The following CNTNAP5 variants were observed in gnomAD, a reference collection of about 807,000 sequenced individuals.
CNTNAP5 encodes contactin associated protein family member 5.
A neutral mutation model predicts 150.2 loss-of-function variants in CNTNAP5; 72 were observed. The observed-to-expected ratio is 0.48, with a 90% CI of 0.40 to 0.58. The LOEUF (loss-of-function observed/expected upper bound fraction) is 0.58, where lower values mean the gene tolerates loss of function less well. Among genes scored for constraint, CNTNAP5 ranks in the 20% least tolerant of loss-of-function variants. The pLI is 0.00. For synonymous variants in CNTNAP5, 672 were observed against 619.8 expected (o/e 1.08, Z -1.25); for missense variants, 1,636 against 1,626.2 (o/e 1.01, Z -0.10).
At chr2:124,793,334 AT>A (rs979622520) in intron 18 of CNTNAP5, among the ~76,000 whole-genome samples, 4 of 152,078 alleles carry the variant, frequency 2.6e-5, no homozygotes, top group African/African-American at 4.8e-5. Context: ...GTATACATAA[AT>A]TTTTTGGAGA....
Position 124,088,853 on chromosome 2 carries a change from C to T in CNTNAP5, c.82+63121C>T, listed in dbSNP as rs140491391. ...AAGTGCATCTTGATAATCTCATGGA[C>T]GTGGAAGTGCAGGTTCACCACTCGG... On this transcript the variant is annotated intron_variant, in intron 1 of 23. Coordinates refer to ENST00000682447, the MANE Select transcript of CNTNAP5 (RefSeq NM_001367498.1). 6.3e-4 allele frequency among the ~76,000 whole-genome samples: 96 copies of T among 152,222 alleles called. 1 individual carries two copies. The East Asian group carries it at 0.016, about 25-fold the overall frequency.
At chr2:124,188,089 G>A (rs1198682866) in intron 1 of CNTNAP5, among the ~76,000 whole-genome samples, 1 of 152,170 alleles carries the variant, frequency 6.6e-6, no homozygotes, top group African/African-American at 2.4e-5. Flanking sequence ...GAGCAGAACT[G>A]CAACAGAGGA....
At chr2:124,597,615 A>T (rs1046596947) in intron 11 of CNTNAP5, among the ~76,000 whole-genome samples, 3 of 149,462 alleles carry the variant, frequency 2.0e-5, no homozygotes, top group African/African-American at 4.9e-5. Context: ...TCTGACAATT[A>T]TGTGTCTTGG....
chr2:124,217,468 C>T (rs370937114), intron 1 of CNTNAP5, among the ~76,000 whole-genome samples: 1 of 152,250 alleles, frequency 6.6e-6, no homozygotes, highest in Middle Eastern at 3.4e-3. Context: ...CATGTTCTTT[C>T]CTTGCTCCCC....
intron 3 of CNTNAP5, among the ~76,000 whole-genome samples, chr2:124,365,314 C>T (rs2163250): frequency 0.74 from 108,356 of 146,772 alleles, 40,858 homozygotes; most frequent in African/African-American, 0.89. Context: ...AGACTCTGTC[C>T]CAAAAAAAGG....
At chr2:124,404,769 A>G (rs1691527036) in intron 3 of CNTNAP5, among the ~76,000 whole-genome samples, 1 of 152,108 alleles carries the variant, frequency 6.6e-6, no homozygotes. Flanking sequence ...AGAAGATGGG[A>G]GATTGAGATT....
intron 4 of CNTNAP5, among the ~76,000 whole-genome samples, chr2:124,418,577 A>C (rs1691990851): frequency 6.6e-6 from 1 of 152,172 alleles, no homozygotes. Context: ...GTGTCTGCTA[A>C]AAATAAAGCC....
intron 11 of CNTNAP5, among the ~76,000 whole-genome samples, chr2:124,567,222 ACT>A (rs1363526751): frequency 3.3e-5 from 5 of 151,900 alleles, no homozygotes; most frequent in South Asian, 2.1e-4. Context: ...GGCACAATGG[ACT>A]CTCTAAAAAA....
intron 12 of CNTNAP5, among the ~76,000 whole-genome samples, chr2:124,625,214 C>T (rs1414895574): frequency 2.0e-5 from 3 of 152,170 alleles, no homozygotes; most frequent in Non-Finnish European, 4.4e-5. Flanking sequence ...GTGAGGGCTC[C>T]ATTATACCCA....
intron 12 of CNTNAP5, among the ~76,000 whole-genome samples, chr2:124,635,188 G>T (rs10196022): frequency 2.0e-5 from 3 of 152,044 alleles, no homozygotes; most frequent in African/African-American, 7.2e-5. Flanking sequence ...ACTTTCAATC[G>T]TAATGGAAAG....
chr2:124,882,610 T>C (rs1359534972), intron 21 of CNTNAP5, among the ~76,000 whole-genome samples: 3 of 152,128 alleles, frequency 2.0e-5, no homozygotes, highest in Non-Finnish European at 2.9e-5. Context: ...AGAGATGCTG[T>C]CTTCATCAGA....
chr2:124,655,945 G>GAAAA (rs1553427799), intron 13 of CNTNAP5, among the ~76,000 whole-genome samples: 9 of 55,490 alleles, frequency 1.6e-4, no homozygotes, highest in Non-Finnish European at 2.7e-4. Flanking sequence ...GAGAGAGAGA[G>GAAAA]AGAAAGAAAG....
At chr2:124,711,724 C>A (rs1045396067) in intron 13 of CNTNAP5, among the ~76,000 whole-genome samples, 2 of 151,966 alleles carry the variant, frequency 1.3e-5, no homozygotes, top group Non-Finnish European at 2.9e-5. Flanking sequence ...GCCTGTAGTC[C>A]CAGCTACTTG....
chr2:124,240,148 T>C (rs1686849315), intron 2 of CNTNAP5, among the ~76,000 whole-genome samples: 1 of 152,210 alleles, frequency 6.6e-6, no homozygotes, highest in Non-Finnish European at 1.5e-5. Context: ...GGATATTGTA[T>C]ATTTATTCAA....
At chr2:124,744,332 C>A (rs527856399) in intron 13 of CNTNAP5, among the ~76,000 whole-genome samples, 1 of 152,126 alleles carries the variant, frequency 6.6e-6, no homozygotes, top group African/African-American at 2.4e-5. Flanking sequence ...GACGGTGAGG[C>A]CTCTCCAGTC....
At chr2:124,101,115 G>A (rs902723674) in intron 1 of CNTNAP5, among the ~76,000 whole-genome samples, 15 of 152,056 alleles carry the variant, frequency 9.9e-5, no homozygotes, top group African/African-American at 3.1e-4. Flanking sequence ...GGAGATATGC[G>A]AATGCTTGGA....
At chr2:124,165,682 C>T (rs941560442) in intron 1 of CNTNAP5, among the ~76,000 whole-genome samples, 2 of 152,096 alleles carry the variant, frequency 1.3e-5, no homozygotes, top group African/African-American at 4.8e-5. Context: ...CTGAAGAATG[C>T]CTGCAATCCT....
chr2:124,458,966 A>G (rs891326595), intron 6 of CNTNAP5, among the ~76,000 whole-genome samples: 2 of 152,210 alleles, frequency 1.3e-5, no homozygotes, highest in African/African-American at 2.4e-5. Context: ...TGATGGCACT[A>G]TAATTAATAA....
chr2:124,706,916 GAGAAGAAGA>G lies in CNTNAP5; in HGVS notation c.2078-40295_2078-40287del, dbSNP rs796272013. ...GAGGAAGAAGAAGGAGGAGGAGGAGGAGAAGAAGAAGAAGAAGAAGAAGAAGGAGGAGGA... is the reference window on the plus strand; with the variant it reads ...GAGGAAGAAGAAGGAGGAGGAGGAGGAGAAGAAGAAGAAGAAGGAGGAGGA... On this transcript the variant is annotated intron_variant, in intron 13 of 23. Transcript: ENST00000682447. Among the ~76,000 whole-genome samples the G allele has an allele frequency of 6.7e-5, 2 of 30,006 alleles. 1 individual carries two copies. The highest frequency in any genetic ancestry group is 1.4e-4 in the Non-Finnish European group (2 of 14,062). 19.7% of individuals were successfully genotyped at this position (30,006 alleles called of 152,430 possible). A position where few individuals can be genotyped will look rare whatever the true frequency, so the allele number is the denominator to read the frequency against.
Sources: gnomAD v4.1 joint callset for allele counts (sites outside exome capture counted in the v4.1 genomes callset) on GRCh38, gnomAD v4.1.1 for gene constraint, MANE v1.5 for transcripts, NCBI Gene and HGNC (gene_info 2026-07-23, HGNC 2026-07-21) for gene names.